Variants in PPP6R3 observed in about 807,000 individuals in gnomAD.
PPP6R3 encodes protein phosphatase 6 regulatory subunit 3.
In PPP6R3, 38 loss-of-function variants were observed where a neutral mutation model predicts 110.7. The ratio of observed to expected loss-of-function variants is 0.34; its 90% CI spans 0.26 to 0.45. The LOEUF is 0.45. PPP6R3 is among the 20% of genes least tolerant of loss of function. The pLI, the probability that PPP6R3 is intolerant of heterozygous loss-of-function variation, is 1.00. For synonymous variants in PPP6R3, 369 were observed against 373.5 expected (o/e 0.99, Z 0.14); for missense variants, 870 against 1,062.4 (o/e 0.82, Z 2.52).
At chr11:68,599,680 G>A (rs1020714809) in intron 19 of PPP6R3, among the ~76,000 whole-genome samples, 2 of 152,228 alleles carry the variant, frequency 1.3e-5, no homozygotes, top group Admixed American at 1.3e-4. Context: ...TGCCAAGATA[G>A]TAAGTCTCCA....
At chr11:68,484,719 C>A (rs1446891843) in intron 1 of PPP6R3, among the ~76,000 whole-genome samples, 1 of 152,004 alleles carries the variant, frequency 6.6e-6, no homozygotes, top group East Asian at 1.9e-4. Flanking sequence ...TCCGGAGTAG[C>A]TGAGATTACA....
intron 1 of PPP6R3, among the ~76,000 whole-genome samples, chr11:68,473,541 C>T (rs2098807332): frequency 6.6e-6 from 1 of 152,208 alleles, no homozygotes; most frequent in African/African-American, 2.4e-5. Context: ...ATGGGAACCC[C>T]AGTTTATAGC....
At chr11:68,519,824 C>G (rs909462611) in intron 2 of PPP6R3, among the ~76,000 whole-genome samples, 173 bp downstream of exon 2, 2 of 152,118 alleles carry the variant, frequency 1.3e-5, no homozygotes, top group African/African-American at 4.8e-5. Context: ...AAATGACAGC[C>G]TCTTCAGTCT....
At chr11:68,481,632 C>G (rs1170133990) in intron 1 of PPP6R3, among the ~76,000 whole-genome samples, 1 of 152,196 alleles carries the variant, frequency 6.6e-6, no homozygotes, top group Non-Finnish European at 1.5e-5. Context: ...GTATCTATCT[C>G]TAGAAGAAAC....
intron 22 of PPP6R3, among the ~76,000 whole-genome samples, chr11:68,605,237 G>T (rs570982714): frequency 3.2e-4 from 49 of 152,230 alleles, no homozygotes; most frequent in African/African-American, 8.7e-4. Flanking sequence ...CTACTTGGGG[G>T]TGCTGAAGTC....
intron 8 of PPP6R3, among the ~76,000 whole-genome samples, chr11:68,562,615 T>C (rs1438886461): frequency 6.6e-6 from 1 of 152,172 alleles, no homozygotes; most frequent in Non-Finnish European, 1.5e-5. Flanking sequence ...CCCATCCCCA[T>C]GATCAGGCGG....
intron 1 of PPP6R3, among the ~76,000 whole-genome samples, chr11:68,507,400 A>G (rs1174202516): frequency 6.6e-6 from 1 of 152,108 alleles, no homozygotes; most frequent in Non-Finnish European, 1.5e-5. Context: ...GATGCCTCTG[A>G]AGACATGGGA....
At chr11:68,550,141 A>G (rs768840608) in intron 5 of PPP6R3, among the ~76,000 whole-genome samples, 3 of 152,228 alleles carry the variant, frequency 2.0e-5, no homozygotes, top group Non-Finnish European at 4.4e-5. Flanking sequence ...ATCAGAATAT[A>G]CATTTGAACA....
At chr11:68,528,115 C>G (rs2153605536) in intron 2 of PPP6R3, among the ~76,000 whole-genome samples, 1 of 152,210 alleles carries the variant, frequency 6.6e-6, no homozygotes, top group Non-Finnish European at 1.5e-5. Flanking sequence ...CTTTAGGGAC[C>G]ATCTGTCATA....
chr11:68,603,219 C>A, intron 21 of PPP6R3, 123 bp from the exon 22 acceptor site: 2 of 1,265,806 alleles, frequency 1.6e-6, no homozygotes, highest in Admixed American at 2.2e-5. Flanking sequence ...AGGCAGAAGC[C>A]ATCTCACTCT....
At position 68,506,414 on chromosome 11, in the gene PPP6R3, C is replaced by CAAAAAAAAAA. The variant is rs67739319; in HGVS notation, c.-157-13062_-157-13053dup. On this transcript the variant is annotated intron_variant, in intron 1 of 23. Transcript: ENST00000393800. ...ACTGCTGCACCCAGCCCTTTATACTCAAAAAAAAAAAAAAAAAAAAAAAAA... is the reference window on the plus strand; with the variant it reads ...ACTGCTGCACCCAGCCCTTTATACTCAAAAAAAAAAAAAAAAAAAAAAAAAAAAAAAAAAA... Among the ~76,000 whole-genome samples, 353 of 46,074 alleles carry CAAAAAAAAAA rather than the reference C, an allele frequency of 7.7e-3. 47 individuals carry two copies. The highest frequency in any genetic ancestry group is 9.3e-3 in the Non-Finnish European group (219 of 23,486). The allele number at this position is 46,074 out of a possible 152,430, so 30.2% of individuals were successfully genotyped here. A position where few individuals can be genotyped will look rare whatever the true frequency, so the allele number is the denominator to read the frequency against.
Position 68,614,103 on chromosome 11 carries a change from T to TA in PPP6R3, c.*987dup, listed in dbSNP as rs1944707445. 1 of 986,108 alleles carries TA rather than the reference T, an allele frequency of 1.0e-6. No individual in the cohort carries two copies. Among genetic ancestry groups the TA allele is most frequent in the East Asian group, 1.1e-4 (1 of 8,816 alleles). The allele number at this position is 986,108 out of a possible 1,614,324, so 61.1% of individuals were successfully genotyped here. On this transcript the variant is annotated 3_prime_UTR_variant, in exon 24 of 24. Transcript: ENST00000393800. ...AAAATGCTCGTGCTGCTAATGGAAT[T>TA]AGAGTGCGTTCATTTTACAGGCTAG...
intron 2 of PPP6R3, among the ~76,000 whole-genome samples, chr11:68,536,982 C>CT (rs961630994): frequency 6.6e-6 from 1 of 152,054 alleles, no homozygotes; most frequent in African/African-American, 2.4e-5. Context: ...CAAATAAGTA[C>CT]TTTTTTTAGC....
chr11:68,475,355 T>TC (rs568803358), intron 1 of PPP6R3, among the ~76,000 whole-genome samples: 67 of 152,330 alleles, frequency 4.4e-4, no homozygotes, highest in African/African-American at 1.6e-3. Flanking sequence ...CTCTGTCTTT[T>TC]CCCCACCTTT....
chr11:68,539,706 A>G (rs2099299808), intron 3 of PPP6R3, among the ~76,000 whole-genome samples: 2 of 152,220 alleles, frequency 1.3e-5, no homozygotes, highest in Admixed American at 1.3e-4. Flanking sequence ...GGGATTGTGT[A>G]GTTTTGGGAT....
At chr11:68,490,393 A>ATATTGCT (rs1197426352) in intron 1 of PPP6R3, among the ~76,000 whole-genome samples, 3 of 151,538 alleles carry the variant, frequency 2.0e-5, no homozygotes, top group Non-Finnish European at 2.9e-5. Context: ...TTTGACTATG[A>ATATTGCT]TATTGCTCAG....
chr11:68,477,771 T>A (rs1167343233), intron 1 of PPP6R3, among the ~76,000 whole-genome samples: 4 of 138,810 alleles, frequency 2.9e-5, no homozygotes, highest in African/African-American at 8.1e-5. Context: ...TATATATATA[T>A]AATTTCCAAC....
At position 68,507,429 on chromosome 11, in the gene PPP6R3, A is replaced by G. The variant is rs147975154; in HGVS notation, c.-157-12072A>G. Among the ~76,000 whole-genome samples the G allele has an allele frequency of 4.0e-3, 616 of 152,246 alleles. 2 individuals are homozygous for G. Among genetic ancestry groups the G allele is most frequent in the African/African-American group, 0.014 (591 of 41,544 alleles). ...CATGGGAATTAGGTTATTTATCAAC[A>G]GTCATGGAAGTTGGTTGTTGCCTGA... is the stretch of plus-strand genomic sequence containing the variant. On this transcript the variant is annotated intron_variant, in intron 1 of 23. Transcript: ENST00000393800.
intron 10 of PPP6R3, among the ~76,000 whole-genome samples, chr11:68,567,587 C>T (rs1181327581): frequency 6.6e-6 from 1 of 152,106 alleles, no homozygotes; most frequent in East Asian, 1.9e-4. Context: ...TTGACTCTTC[C>T]TTGAGACACA....
Sources: allele counts gnomAD v4.1 joint callset (sites outside exome capture counted in the v4.1 genomes callset), GRCh38; gene constraint gnomAD v4.1.1; transcripts MANE v1.5; gene names NCBI Gene and HGNC (gene_info 2026-07-23, HGNC 2026-07-21).